The following COMMD3 variants were observed in gnomAD, a reference collection of about 807,000 sequenced individuals.
COMMD3 encodes the protein COMM domain containing 3, also known as COMM domain-containing protein 3.
In COMMD3, 31 loss-of-function variants were observed where a neutral mutation model predicts 31.2. The observed-to-expected ratio is 0.99, with a 90% CI of 0.75 to 1.34. The LOEUF (loss-of-function observed/expected upper bound fraction) is 1.34. Among genes scored for constraint, COMMD3 ranks in the 40% most tolerant of loss-of-function variants. COMMD3 has a pLI of 0.00. For synonymous variants in COMMD3, 108 were observed against 87.3 expected, an observed-to-expected ratio of 1.24 and a Z score of -1.32; for missense variants, 274 against 236.9, an observed-to-expected ratio of 1.16 and a Z score of -1.03.
chr10:22,320,126 C>T lies in COMMD3; in HGVS notation c.*128C>T, dbSNP rs2131994801. 7.7e-6 allele frequency: 12 copies of T among 1,567,884 alleles called. No homozygotes were observed. The highest frequency in any genetic ancestry group is 3.8e-5 in the Admixed American group (2 of 52,562). On this transcript the variant is annotated 3_prime_UTR_variant, in exon 8 of 8. Transcript: ENST00000376836. ...AAAGAATTTTCCTTTTGAATTTATACCATTCATCAATTTTGACACTTTAAA... is the reference window on the plus strand; with the variant it reads ...AAAGAATTTTCCTTTTGAATTTATATCATTCATCAATTTTGACACTTTAAA...
intron 6 of COMMD3, 35 bp downstream of exon 6, chr10:22,318,897 T>C (rs758872505): frequency 2.5e-6 from 4 of 1,611,424 alleles, no homozygotes; most frequent in Non-Finnish European, 3.4e-6. Context: ...ATAATGAAAT[T>C]TATAATTTCA....
chr10:22,317,991 CT>C lies in COMMD3; in HGVS notation c.248del (p.Leu83GlnfsTer5). On this transcript the variant is annotated frameshift_variant, in exon 2 of 8. Coordinates refer to ENST00000376836, the MANE Select transcript of COMMD3 (RefSeq NM_012071.4). LOFTEE classifies it high-confidence loss of function. ...AAAGCACCGAGCTGACAAGTCAACT[CT>C]AAGGTACAGGATTTATTTAAATATC... ...AGKHRADKST[L>X]STYLEDCKFD... 1 of 1,613,888 alleles carries C rather than the reference CT, an allele frequency of 6.2e-7. No homozygotes were observed. Among genetic ancestry groups the C allele is most frequent in the South Asian group, 1.1e-5 (1 of 91,074 alleles).
intron 5 of COMMD3, 39 bp from the exon 6 acceptor site, chr10:22,318,767 A>C: frequency 1.2e-6 from 2 of 1,613,440 alleles, no homozygotes; most frequent in Non-Finnish European, 1.7e-6. Context: ...CTTAAAACCT[A>C]GAGTTAAAAG....
At chr10:22,317,103 A>C (rs991768746) in intron 1 of COMMD3, 1 of 152,276 alleles carries the variant, frequency 6.6e-6, no homozygotes, top group East Asian at 1.9e-4. Flanking sequence ...ACCTTAAACT[A>C]TGATGCACAA....
chr10:22,318,740 G>C, intron 5 of COMMD3, 27 bp downstream of exon 5: 1 of 1,612,630 alleles, frequency 6.2e-7, no homozygotes, highest in Non-Finnish European at 8.5e-7. Context: ...TTCTCTAGCG[G>C]GGGATTTAGG....
intron 1 of COMMD3, 22 bp downstream of exon 1, chr10:22,316,578 G>C (rs1379928549): frequency 6.7e-7 from 1 of 1,492,658 alleles, no homozygotes; most frequent in African/African-American, 1.4e-5. Flanking sequence ...GGCTCGGCTC[G>C]GAGCTGGATC....
At chr10:22,319,802 C>A in intron 7 of COMMD3, 137 bp from the exon 8 acceptor site, 1 of 1,118,730 alleles carries the variant, frequency 8.9e-7, no homozygotes, top group Non-Finnish European at 1.2e-6. Context: ...AGTAGTTTGT[C>A]AAAAGTTAAA....
chr10:22,318,739 G>T, intron 5 of COMMD3, 26 bp downstream of exon 5: 1 of 1,612,220 alleles, frequency 6.2e-7, no homozygotes. Flanking sequence ...CTTCTCTAGC[G>T]GGGGATTTAG....
chr10:22,317,986 C>A lies in COMMD3; in HGVS notation c.242C>A (p.Ser81Ter). ...GCAGGAAAGCACCGAGCTGACAAGT[C>A]AACTCTAAGGTACAGGATTTATTTA... ...LEAGKHRADK[S>*]TLSTYLEDCK... is the part of the protein sequence containing the mutation. Residue 81 changes from serine (S) to a stop codon, truncating the protein, a stop_gained, in exon 2 of 8, where the codon TCA becomes TAA. Coordinates refer to ENST00000376836, the MANE Select transcript of COMMD3 (RefSeq NM_012071.4). LOFTEE classifies it high-confidence loss of function. 6.2e-7 allele frequency: 1 copy of A among 1,613,868 alleles called. No individual in the cohort carries two copies. The highest frequency in any genetic ancestry group is 1.1e-5 in the South Asian group (1 of 91,052).
intron 1 of COMMD3, 123 bp from the exon 2 acceptor site, chr10:22,317,761 C>T: frequency 1.1e-6 from 1 of 906,846 alleles, no homozygotes; most frequent in Non-Finnish European, 1.7e-6. Flanking sequence ...AATTGACTGT[C>T]CTTATAGTTG....
rs1271566812 is a variant in COMMD3, at chr10:22,317,889, C to T, written c.145C>T (p.Pro49Ser). Residue 49 changes from proline (P) to serine (S), a missense_variant, in exon 2 of 8, where the codon CCA becomes TCA. By Grantham distance (74) the Pro-to-Ser change is moderately conservative. Transcript: ENST00000376836. ...AQADEAVLDHPDLKHIDPVVL... is the reference protein window; with the variant it reads ...AQADEAVLDHSDLKHIDPVVL... ...TGGAAGTTAATTTATTTTAGATCAT[C>T]CAGACTTGAAACATATCGACCCAGT... is the stretch of plus-strand genomic sequence containing the variant. 4 of 1,613,570 alleles carry T rather than the reference C, an allele frequency of 2.5e-6. No homozygotes were observed. Among genetic ancestry groups the T allele is most frequent in the Non-Finnish European group, 3.4e-6 (4 of 1,179,782 alleles).
chr10:22,316,424 C>T lies in COMMD3; in HGVS notation c.7C>T (p.Leu3Phe). MELSESVQKGFQM... is the reference protein window; with the variant it reads MEFSESVQKGFQM... ...AGGTCACGGCGCGCTCACAATGGAG[C>T]TCTCGGAGTCTGTGCAGAAAGGCTT... Residue 3 changes from leucine to phenylalanine, a missense_variant, in exon 1 of 8, where the codon CTC (leucine) becomes TTC (phenylalanine). Leu to Phe is a conservative substitution (Grantham distance 22). Transcript: ENST00000376836. 6.5e-7 allele frequency: 1 copy of T among 1,537,016 alleles called. No homozygotes were observed. The highest frequency in any genetic ancestry group is 8.8e-7 in the Non-Finnish European group (1 of 1,138,874).
Position 22,320,002 on chromosome 10 carries a change from G to C in COMMD3, c.*4G>C, listed in dbSNP as rs1835934123. 1 of 1,614,010 alleles carries C rather than the reference G, an allele frequency of 6.2e-7. No individual in the cohort carries two copies. The highest frequency in any genetic ancestry group is 1.3e-5 in the African/African-American group (1 of 74,926). On this transcript the variant is annotated 3_prime_UTR_variant, in exon 8 of 8. Transcript: ENST00000376836. Reference sequence around the variant, plus strand: ...GGAAAGAGCAACTCAGTTGTAACTTGGGGAAGTTAACGATCCGCCCGAGTG... The same window carrying C: ...GGAAAGAGCAACTCAGTTGTAACTTCGGGAAGTTAACGATCCGCCCGAGTG...
rs767793016 is a variant in COMMD3 at position 22,319,001 on chromosome 10, A to T, written c.511A>T (p.Ser171Cys). ...CTATCCAGAGATTAGTTTTAGTTGC[A>T]GCATGGAACAATTACAGGTACAGTA... is the stretch of plus-strand genomic sequence containing the variant. The part of the protein sequence containing the change: ...PSYPEISFSC[S>C]MEQLQDLVGK... Residue 171 changes from serine (S) to cysteine (C), a missense_variant, in exon 7 of 8, where the codon AGC (serine) becomes TGC (cysteine). Ser to Cys is a moderately radical substitution (Grantham distance 112, BLOSUM62 -1). Transcript: ENST00000376836. 2.5e-6 allele frequency: 4 copies of T among 1,611,572 alleles called. No homozygotes were observed. The highest frequency in any genetic ancestry group is 3.4e-6 in the Non-Finnish European group (4 of 1,179,250).
Position 22,316,543 on chromosome 10 carries a change from C to A in COMMD3, c.126C>A (p.Asp42Glu). ...AGAGTCTGCTGGACGCCCAGGCGGA[C>A]GAGGCCGTGTTAGGTAAGCCGCTCG... ...AFQSLLDAQA[D>E]EAVLDHPDLK... The change falls in exon 1 of 8, where the codon GAC (aspartate) becomes GAA (glutamate). Residue 42 changes from aspartate (D) to glutamate (E), a missense_variant. Asp to Glu is a conservative substitution (Grantham distance 45). Transcript: ENST00000376836. 6.5e-7 allele frequency: 1 copy of A among 1,548,564 alleles called. No individual in the cohort carries two copies.
chr10:22,319,844 TG>T lies in COMMD3; in HGVS notation c.529-94del, dbSNP rs1835927766. On this transcript the variant is annotated intron_variant, in intron 7 of 7. Coordinates refer to ENST00000376836, the MANE Select transcript of COMMD3 (RefSeq NM_012071.4). ...TTGAATTTTAAACTTGTTTGGAAGG[TG>T]TGTCCTGATTTTTTTTCTTGCATCT... The T allele has an allele frequency of 4.8e-6, 7 of 1,457,544 alleles. No individual in the cohort carries two copies. The South Asian group carries it at 8.5e-5, about 18-fold the overall frequency. The allele number at this position is 1,457,544 out of a possible 1,614,324, so 90.3% of individuals were successfully genotyped here. A position where few individuals can be genotyped will look rare whatever the true frequency, so the allele number is the denominator to read the frequency against.
intron 4 of COMMD3, 142 bp downstream of exon 4, chr10:22,318,448 C>A (rs1835896677): frequency 1.6e-6 from 2 of 1,265,628 alleles, no homozygotes; most frequent in South Asian, 1.5e-5. Flanking sequence ...AAGTTAAGCT[C>A]ATGTTTTTAA....
intron 3 of COMMD3, 50 bp downstream of exon 3, chr10:22,318,218 T>C (rs1474836788): frequency 4.4e-6 from 7 of 1,592,160 alleles, no homozygotes; most frequent in Non-Finnish European, 6.0e-6. Context: ...TCTTTTACTT[T>C]GTTTGTAAAG....
At position 22,320,179 on chromosome 10, in the gene COMMD3, A is replaced by C; in HGVS notation, c.*181A>C. 1 of 1,473,056 alleles carries C rather than the reference A, an allele frequency of 6.8e-7. No homozygotes were observed. The highest frequency in any genetic ancestry group is 2.5e-5 in the East Asian group (1 of 39,606). The allele number at this position is 1,473,056 out of a possible 1,614,324, so 91.2% of individuals were successfully genotyped here. A position where few individuals can be genotyped will look rare whatever the true frequency, so the allele number is the denominator to read the frequency against. On this transcript the variant is annotated 3_prime_UTR_variant, in exon 8 of 8. Coordinates refer to ENST00000376836, the MANE Select transcript of COMMD3 (RefSeq NM_012071.4). ...CGTGTGAAAGGGTTAAGAGGGAAAG[A>C]TACTGCCCAAGTATTTGAATCGTTT...
Sources: gnomAD v4.1 joint callset for allele counts on GRCh38, gnomAD v4.1.1 for gene constraint, MANE v1.5 for transcripts, NCBI Gene and HGNC (gene_info 2026-07-23, HGNC 2026-07-21) for gene names.